Variants in RANBP3 observed in about 807,000 individuals in gnomAD.
RANBP3 encodes ran-binding protein 3.
RANBP3 carries 14 observed loss-of-function variants against 77.3 expected under a neutral mutation model. That is an observed-to-expected ratio of 0.18 (90% CI 0.12 to 0.28). The LOEUF (loss-of-function observed/expected upper bound fraction) is 0.28. RANBP3 is among the 10% of genes least tolerant of loss of function. RANBP3 has a pLI of 1.00. For synonymous variants in RANBP3, 315 were observed against 312.4 expected, an observed-to-expected ratio of 1.01 and a Z score of -0.09; for missense variants, 586 against 752.3, an observed-to-expected ratio of 0.78 and a Z score of 2.59.
In RANBP3 at chr19:5,941,602, G is replaced by C. The variant is rs368107503; in HGVS notation, c.406+19C>G. 6.3e-7 allele frequency: 1 copy of C among 1,596,362 alleles called. No individual in the cohort carries two copies. The highest frequency in any genetic ancestry group is 1.1e-5 in the South Asian group (1 of 90,276). On this transcript the variant is annotated intron_variant, in intron 5 of 16. Transcript: ENST00000340578. ...TAAGCATAAACGCTTTCACCATTCCGTAAGTTTGCATATTTTACCTGACTG... is the reference window on the plus strand; with the variant it reads ...TAAGCATAAACGCTTTCACCATTCCCTAAGTTTGCATATTTTACCTGACTG...
At chr19:5,928,962 G>A (rs943349338) in intron 8 of RANBP3, among the ~76,000 whole-genome samples, 1 of 152,202 alleles carries the variant, frequency 6.6e-6, no homozygotes, top group Non-Finnish European at 1.5e-5. Context: ...GGACATGAAC[G>A]TGAGGCAGGG....
rs1202946047 is a variant in RANBP3, at chr19:5,958,845, A to C, written c.23-872T>G. ...TCACCATTCAGGGCACTGAGGGCCT[A>C]GCGTGGAGGCCAAGCAAGAGCAGCT... On this transcript the variant is annotated intron_variant, in intron 1 of 16. Transcript: ENST00000340578. The surrounding 1 kb of genome is among the most constrained non-coding windows in gnomAD (Gnocchi z 4.4). 2.0e-5 allele frequency among the ~76,000 whole-genome samples: 3 copies of C among 152,256 alleles called. No individual in the cohort carries two copies. Among genetic ancestry groups the C allele is most frequent in the Non-Finnish European group, 2.9e-5 (2 of 68,042 alleles).
At chr19:5,925,917 C>T (rs41276872) in intron 9 of RANBP3, among the ~76,000 whole-genome samples, 180 bp from the exon 10 acceptor site, 1 of 152,118 alleles carries the variant, frequency 6.6e-6, no homozygotes, top group Admixed American at 6.5e-5. Context: ...TCAACTCCAT[C>T]ACCTTTTGCT....
At position 5,943,614 on chromosome 19, in the gene RANBP3, G is replaced by A. The variant is rs144824955; in HGVS notation, c.283-1779C>T. Among the ~76,000 whole-genome samples the A allele has an allele frequency of 9.2e-5, 14 of 152,296 alleles. No homozygotes were observed. The East Asian group carries it at 9.7e-4, about 11-fold the overall frequency. On this transcript the variant is annotated intron_variant, in intron 3 of 16. Transcript: ENST00000340578. ...CGACGGTCAGAAAAAAAGCTACCCT[G>A]GACTTTCTCCTCCCGTGTGAGCTGA...
Position 5,931,438 on chromosome 19 carries a change from G to C in RANBP3, c.659C>G (p.Pro220Arg). The C allele has an allele frequency of 6.2e-7, 1 of 1,612,868 alleles. No individual in the cohort carries two copies. The highest frequency in any genetic ancestry group is 1.7e-5 in the Admixed American group (1 of 60,012). Residue 220 changes from proline to arginine, a missense_variant, in exon 8 of 17, where the codon CCT (proline) becomes CGT (arginine). Pro to Arg is a moderately radical substitution (Grantham distance 103). This residue lies in a region of RANBP3 where 232 missense variants were observed against 271.7 expected (regional missense o/e 0.85). Transcript: ENST00000340578. ...ACACACCTCATCGGCAGCTTCGGAAGGACTTCTCCATGCAGCAGTGTCAGG... is the reference window on the plus strand; with the variant it reads ...ACACACCTCATCGGCAGCTTCGGAACGACTTCTCCATGCAGCAGTGTCAGG... ...ASPDTAAWRS[P>R]SEAADEVCAL...
rs77665812 is a variant in RANBP3 at position 5,970,621 on chromosome 19, A to G, written c.22+7440T>C. Among the ~76,000 whole-genome samples, 61 of 152,250 alleles carry G rather than the reference A, an allele frequency of 4.0e-4. 4 individuals carry two copies. In the East Asian group the frequency reaches 0.011, roughly 28 times the overall value. ...TACCCAACATCCTCCAAAGCACAAG[A>G]TGGCCACCACCAGCCCCAATGTCAA... On this transcript the variant is annotated intron_variant, in intron 1 of 16. Coordinates refer to ENST00000340578, the MANE Select transcript of RANBP3 (RefSeq NM_007322.3).
intron 8 of RANBP3, 38 bp downstream of exon 8, chr19:5,931,366 C>G: frequency 6.3e-7 from 1 of 1,580,966 alleles, no homozygotes. Flanking sequence ...CCCAAGGGGC[C>G]TAGCATGCAG....
At chr19:5,935,556 G>T (rs2058052719) in intron 5 of RANBP3, 1 of 326,072 alleles carries the variant, frequency 3.1e-6, no homozygotes, top group Non-Finnish European at 6.3e-6. Context: ...TGATGTTTTG[G>T]TCACAGACTG....
rs1431461641 is a variant in RANBP3, at chr19:5,952,193, T to C, written c.79-597A>G. ...GAAAGTGCTTTCCCACCTCGGTGAG[T>C]GCAAGTGTGGGGTGACATGGACACT... On this transcript the variant is annotated intron_variant, in intron 2 of 16. Coordinates refer to ENST00000340578, the MANE Select transcript of RANBP3 (RefSeq NM_007322.3). This position sits in a 1 kb window ranked among gnomAD's most constrained non-coding sequence, Gnocchi z 4.1. 2.6e-5 allele frequency among the ~76,000 whole-genome samples: 4 copies of C among 152,148 alleles called. No individual in the cohort carries two copies. The East Asian group carries it at 7.7e-4, about 29-fold the overall frequency.
intron 3 of RANBP3, among the ~76,000 whole-genome samples, chr19:5,949,488 G>A (rs2058248589): frequency 6.6e-6 from 1 of 152,154 alleles, no homozygotes; most frequent in African/African-American, 2.4e-5. Context: ...GGCTCTCCTG[G>A]GGCTCCTGAA....
intron 13 of RANBP3, 46 bp downstream of exon 13, chr19:5,923,148 G>A (rs776910110): frequency 7.9e-6 from 12 of 1,522,348 alleles, no homozygotes; most frequent in African/African-American, 6.9e-5. Flanking sequence ...TGGACCCCCA[G>A]GTGCATGGAA....
At chr19:5,949,153 A>C (rs1197799720) in intron 3 of RANBP3, among the ~76,000 whole-genome samples, 1 of 152,230 alleles carries the variant, frequency 6.6e-6, no homozygotes, top group Non-Finnish European at 1.5e-5. Flanking sequence ...GTGACGGATG[A>C]GACCTGCCGG....
At chr19:5,961,267 C>T (rs897480575) in intron 1 of RANBP3, among the ~76,000 whole-genome samples, 1 of 150,204 alleles carries the variant, frequency 6.7e-6, no homozygotes, top group African/African-American at 2.5e-5. Context: ...CACGGTGAAA[C>T]CCTGTCTCTA....
At chr19:5,942,866 A>G (rs1172938494) in intron 3 of RANBP3, among the ~76,000 whole-genome samples, 1 of 152,114 alleles carries the variant, frequency 6.6e-6, no homozygotes. Context: ...TAAAAAACCC[A>G]ACCACATAAA....
At chr19:5,944,774 C>T (rs2058182720) in intron 3 of RANBP3, among the ~76,000 whole-genome samples, 2 of 152,232 alleles carry the variant, frequency 1.3e-5, no homozygotes. Context: ...GTCCTCCCAT[C>T]CATTCCTAAC....
chr19:5,948,694 G>A (rs1183925528), intron 3 of RANBP3, among the ~76,000 whole-genome samples: 1 of 152,180 alleles, frequency 6.6e-6, no homozygotes, highest in East Asian at 1.9e-4. Context: ...CAAAGTTGAG[G>A]GGTGCTGAGG....
chr19:5,951,710 G>T, intron 2 of RANBP3, 114 bp from the exon 3 acceptor site: 1 of 957,914 alleles, frequency 1.0e-6, no homozygotes, highest in Non-Finnish European at 1.6e-6. Flanking sequence ...CAGCTCCTGC[G>T]CCTGGGAGGA....
chr19:5,918,388 G>GCCCCCCCCCCCCC, intron 15 of RANBP3, 108 bp downstream of exon 15: 1 of 688,310 alleles, frequency 1.5e-6, no homozygotes, highest in Non-Finnish European at 2.2e-6. Context: ...AGCAACTGAA[G>GCCCCCCCCCCCCC]CCCCTCCCCC....
intron 10 of RANBP3, 193 bp from the exon 11 acceptor site, chr19:5,925,098 C>T (rs577142013): frequency 3.3e-5 from 20 of 603,828 alleles, no homozygotes; most frequent in African/African-American, 1.1e-4. Flanking sequence ...ACCCTTAGCT[C>T]GCCCTGATGG....
Sources: allele counts gnomAD v4.1 joint callset (sites outside exome capture counted in the v4.1 genomes callset), GRCh38; gene constraint gnomAD v4.1.1; regional missense constraint gnomAD v4.1.1; non-coding constraint Gnocchi (gnomAD v3.1); transcripts MANE v1.5; gene names NCBI Gene and HGNC (gene_info 2026-07-23, HGNC 2026-07-21).